The following CADM2 variants were observed in gnomAD, a reference collection of about 807,000 sequenced individuals.
The protein encoded by CADM2 is immunoglobulin superfamily member 4D.
CADM2 carries 12 observed loss-of-function variants against 49.8 expected under a neutral mutation model. That is an observed-to-expected ratio of 0.24 (90% CI 0.15 to 0.39). The LOEUF (loss-of-function observed/expected upper bound fraction) is 0.39, where lower values mean the gene tolerates loss of function less well. Ranked by LOEUF, CADM2 falls within the 10% of genes least tolerant of loss-of-function variation. The probability of loss-of-function intolerance (pLI) is 1.00; values close to 1 mark genes in which losing one functional copy is unlikely to be tolerated. For missense variants in CADM2, 378 were observed against 492.3 expected, an observed-to-expected ratio of 0.77 and a Z score of 2.20; for synonymous variants, 214 against 175.4, an observed-to-expected ratio of 1.22 and a Z score of -1.74.
chr3:85,596,624 A>G (rs906400514), intron 1 of CADM2, among the ~76,000 whole-genome samples: 5 of 152,082 alleles, frequency 3.3e-5, no homozygotes, highest in Admixed American at 3.3e-4. Flanking sequence ...CCTCACAACA[A>G]AATTTTCAGT....
chr3:85,896,836 ATGCTG>A (rs1715280227), intron 5 of CADM2, among the ~76,000 whole-genome samples: 1 of 152,174 alleles, frequency 6.6e-6, no homozygotes, highest in Non-Finnish European at 1.5e-5. Context: ...GAATTTCTGA[ATGCTG>A]TGCTTCTCAA....
At chr3:85,979,910 C>A (rs1158930313) in intron 8 of CADM2, among the ~76,000 whole-genome samples, 5 of 151,402 alleles carry the variant, frequency 3.3e-5, no homozygotes, top group African/African-American at 1.2e-4. Context: ...TATCATTATA[C>A]AAATAAGAAT....
At chr3:85,192,147 A>G (rs2041224822) in intron 1 of CADM2, among the ~76,000 whole-genome samples, 1 of 152,110 alleles carries the variant, frequency 6.6e-6, no homozygotes, top group Admixed American at 6.6e-5. Context: ...CATAGAGATT[A>G]GGGGCCTGTC....
At chr3:85,715,970 G>C (rs190891713) in intron 1 of CADM2, among the ~76,000 whole-genome samples, 5 of 152,314 alleles carry the variant, frequency 3.3e-5, no homozygotes, top group East Asian at 1.9e-4. Context: ...ACACATGTGT[G>C]TGCCTGCATC....
chr3:85,087,783 T>C (rs550438390), intron 1 of CADM2, among the ~76,000 whole-genome samples: 14 of 152,308 alleles, frequency 9.2e-5, no homozygotes, highest in Admixed American at 2.0e-4. Flanking sequence ...TCTATGTGTC[T>C]GCATAACATT....
At chr3:85,298,104 G>A (rs1329921916) in intron 1 of CADM2, among the ~76,000 whole-genome samples, 1 of 152,022 alleles carries the variant, frequency 6.6e-6, no homozygotes, top group African/African-American at 2.4e-5. Context: ...TGTTTGCTGT[G>A]GATATATTTC....
intron 5 of CADM2, among the ~76,000 whole-genome samples, chr3:85,906,694 A>T (rs948054567): frequency 6.6e-6 from 1 of 152,178 alleles, no homozygotes; most frequent in African/African-American, 2.4e-5. Context: ...AATTTGTTTG[A>T]ATTCTTTTTC....
chr3:86,027,679 T>C (rs1041100584), intron 8 of CADM2, among the ~76,000 whole-genome samples: 2 of 152,208 alleles, frequency 1.3e-5, no homozygotes, highest in Non-Finnish European at 2.9e-5. Context: ...AATGATTTTA[T>C]CATATTAAAT....
chr3:85,064,256 T>A (rs2036441599), intron 1 of CADM2, among the ~76,000 whole-genome samples: 1 of 152,052 alleles, frequency 6.6e-6, no homozygotes, highest in Admixed American at 6.6e-5. Context: ...TTCCTACCAA[T>A]GAGAACTAAG....
intron 1 of CADM2, among the ~76,000 whole-genome samples, chr3:85,491,868 C>G (rs553313588): frequency 1.3e-4 from 19 of 151,164 alleles, no homozygotes; most frequent in African/African-American, 4.4e-4. Context: ...AGGAGAATGG[C>G]GTGAATCGGG....
At chr3:85,438,119 T>A in intron 1 of CADM2, among the ~76,000 whole-genome samples, 1 of 152,062 alleles carries the variant, frequency 6.6e-6, no homozygotes, top group Admixed American at 6.6e-5. Context: ...AACTTTGAAT[T>A]CTTATTTATT....
intron 1 of CADM2, among the ~76,000 whole-genome samples, chr3:85,023,094 G>C (rs1422394653): frequency 2.6e-5 from 4 of 152,108 alleles, no homozygotes; most frequent in Non-Finnish European, 5.9e-5. Flanking sequence ...TAAAGAAAGA[G>C]TTTTAAGTGC....
intron 3 of CADM2, among the ~76,000 whole-genome samples, chr3:85,825,094 G>T (rs72908561): frequency 2.0e-5 from 3 of 151,944 alleles, no homozygotes; most frequent in African/African-American, 4.8e-5. Context: ...ATAATAATAT[G>T]CATACACAAA....
At chr3:85,519,093 A>G (rs1483228618) in intron 1 of CADM2, among the ~76,000 whole-genome samples, 1 of 152,110 alleles carries the variant, frequency 6.6e-6, no homozygotes, top group African/African-American at 2.4e-5. Context: ...TATATGTATA[A>G]TAGAGCATTA....
At chr3:85,656,014 C>T (rs2065185872) in intron 1 of CADM2, among the ~76,000 whole-genome samples, 1 of 151,474 alleles carries the variant, frequency 6.6e-6, no homozygotes, top group Non-Finnish European at 1.5e-5. Flanking sequence ...AATTTAAGCT[C>T]TTTGTTCCCT....
chr3:85,968,490 A>G (rs578140496), intron 8 of CADM2, among the ~76,000 whole-genome samples: 1 of 151,820 alleles, frequency 6.6e-6, no homozygotes, highest in East Asian at 2.0e-4. Context: ...CCATTCTGAA[A>G]TAAATATTTC....
intron 1 of CADM2, among the ~76,000 whole-genome samples, chr3:85,541,726 A>C (rs1184193967): frequency 1.6e-4 from 21 of 131,100 alleles, no homozygotes; most frequent in Middle Eastern, 3.8e-3. Context: ...TATTATATAT[A>C]TATATTTTAT....
At chr3:85,257,705 G>A (rs914550590) in intron 1 of CADM2, among the ~76,000 whole-genome samples, 3 of 152,066 alleles carry the variant, frequency 2.0e-5, no homozygotes, top group African/African-American at 4.8e-5. Flanking sequence ...TATGGTACCC[G>A]TGGCTGTCTC....
intron 1 of CADM2, among the ~76,000 whole-genome samples, chr3:85,552,721 G>T (rs1317728337): frequency 1.3e-5 from 2 of 151,336 alleles, no homozygotes; most frequent in African/African-American, 4.9e-5. Context: ...CTGTCGCCCA[G>T]GCTGGAATGC....
Sources: allele counts gnomAD v4.1 joint callset (sites outside exome capture counted in the v4.1 genomes callset), GRCh38; gene constraint gnomAD v4.1.1; transcripts MANE v1.5; gene names NCBI Gene and HGNC (gene_info 2026-07-23, HGNC 2026-07-21).